SORCS1: variants seen among roughly 807,000 people sequenced by gnomAD.
The protein encoded by SORCS1 is VPS10 domain-containing receptor SorCS1.
In SORCS1, 60 loss-of-function variants were observed where a neutral mutation model predicts 146.1. The observed-to-expected ratio is 0.41, with a 90% CI of 0.33 to 0.51. SORCS1 has a LOEUF of 0.51. SORCS1 is among the 20% of genes least tolerant of loss of function. The pLI is 0.21. For missense variants in SORCS1, 1,352 were observed against 1,487.6 expected, an observed-to-expected ratio of 0.91 and a Z score of 1.50; for synonymous variants, 637 against 584.0, an observed-to-expected ratio of 1.09 and a Z score of -1.31.
intron 9 of SORCS1, among the ~76,000 whole-genome samples, chr10:106,694,771 GAC>G (rs1426790053): frequency 1.3e-5 from 2 of 152,118 alleles, no homozygotes; most frequent in African/African-American, 4.8e-5. Context: ...TGTCCTTCAT[GAC>G]ACCCACCAGG....
At chr10:106,663,391 C>T (rs1850883647) in intron 17 of SORCS1, among the ~76,000 whole-genome samples, 1 of 151,966 alleles carries the variant, frequency 6.6e-6, no homozygotes, top group African/African-American at 2.4e-5. Flanking sequence ...TAGAAGTATG[C>T]ATATCAAACA....
chr10:106,788,992 G>C (rs535089144), intron 3 of SORCS1, among the ~76,000 whole-genome samples: 19 of 152,312 alleles, frequency 1.2e-4, no homozygotes, highest in African/African-American at 4.6e-4. Flanking sequence ...CTAAAATCTA[G>C]GTAGAGGTTC....
At chr10:107,053,842 T>G (rs1960355122) in intron 1 of SORCS1, among the ~76,000 whole-genome samples, 1 of 152,206 alleles carries the variant, frequency 6.6e-6, no homozygotes, top group Non-Finnish European at 1.5e-5. Context: ...TGCACACACC[T>G]TGTCTGCATT....
At chr10:107,087,148 C>T (rs1251435270) in intron 1 of SORCS1, among the ~76,000 whole-genome samples, 5 of 152,116 alleles carry the variant, frequency 3.3e-5, no homozygotes, top group African/African-American at 9.7e-5. Flanking sequence ...ACTTTAAGTC[C>T]GTCTTGGGGT....
At chr10:106,581,638 T>C (rs1447398442) in intron 24 of SORCS1, among the ~76,000 whole-genome samples, 1 of 152,068 alleles carries the variant, frequency 6.6e-6, no homozygotes, top group Non-Finnish European at 1.5e-5. Context: ...CTCATGTACC[T>C]ACCACTCAGC....
chr10:106,913,487 C>G (rs1952263900), intron 2 of SORCS1, among the ~76,000 whole-genome samples: 1 of 152,202 alleles, frequency 6.6e-6, no homozygotes, highest in Non-Finnish European at 1.5e-5. Context: ...CTACGGCTTT[C>G]TCAGTTATGC....
chr10:106,733,126 G>A (rs201205118), intron 5 of SORCS1, among the ~76,000 whole-genome samples: 46,295 of 122,236 alleles, frequency 0.38, 10,655 homozygotes, highest in Non-Finnish European at 0.41. Context: ...GAAAAGAAAA[G>A]AAAAGAAAAG....
chr10:107,180,778 G>T, the SORCS1 span, among the ~76,000 whole-genome samples: 5 of 152,098 alleles, frequency 3.3e-5, no homozygotes, highest in Non-Finnish European at 1.5e-5. Context: ...TAATGGTGGG[G>T]ATAGGTTCTC....
chr10:106,690,664 C>G (rs1853228372), intron 9 of SORCS1, among the ~76,000 whole-genome samples: 1 of 152,184 alleles, frequency 6.6e-6, no homozygotes, highest in Non-Finnish European at 1.5e-5. Flanking sequence ...GAATGTGTAT[C>G]GACAGGGGAT....
intron 1 of SORCS1, among the ~76,000 whole-genome samples, chr10:107,020,142 C>A (rs927657250): frequency 6.6e-6 from 1 of 152,174 alleles, no homozygotes; most frequent in Non-Finnish European, 1.5e-5. Context: ...TGTGCCCAGA[C>A]AAGAATGATA....
intron 6 of SORCS1, among the ~76,000 whole-genome samples, chr10:106,712,824 C>G (rs1308424664): frequency 1.3e-5 from 2 of 152,056 alleles, no homozygotes; most frequent in African/African-American, 4.8e-5. Context: ...TACTGAACAC[C>G]CATTGTTCTC....
At chr10:107,176,208 C>A in the SORCS1 span, among the ~76,000 whole-genome samples, 2 of 149,674 alleles carry the variant, frequency 1.3e-5, no homozygotes, top group East Asian at 2.0e-4. Flanking sequence ...TATATGTAAT[C>A]CTTCCTTCCT....
intron 1 of SORCS1, among the ~76,000 whole-genome samples, chr10:107,057,829 G>C (rs1960793112): frequency 6.6e-6 from 1 of 152,106 alleles, no homozygotes; most frequent in African/African-American, 2.4e-5. Flanking sequence ...CTTGTTTAGA[G>C]AGGAGTCTCA....
At chr10:107,068,069 G>A (rs1048643601) in intron 1 of SORCS1, among the ~76,000 whole-genome samples, 10 of 152,002 alleles carry the variant, frequency 6.6e-5, no homozygotes, top group African/African-American at 1.9e-4. Flanking sequence ...TTCTTTCTCC[G>A]AGGTTTTGCT....
At position 107,163,950 on chromosome 10, in the gene SORCS1, T is replaced by C. The variant is rs771059333; in HGVS notation, c.558+19A>G. 4 of 1,603,274 alleles carry C rather than the reference T, an allele frequency of 2.5e-6. No homozygotes were observed. The highest frequency in any genetic ancestry group is 3.4e-6 in the Non-Finnish European group (4 of 1,172,616). On this transcript the variant is annotated intron_variant, in intron 1 of 25. Coordinates refer to ENST00000263054, the MANE Select transcript of SORCS1 (RefSeq NM_052918.5). ...TTTCCATCTTTCCACCCCTTTACCC[T>C]CAGTCCCATTCTACTCACGCTGCTG...
intron 3 of SORCS1, among the ~76,000 whole-genome samples, chr10:106,798,194 G>A (rs1229378486): frequency 2.6e-5 from 4 of 152,132 alleles, no homozygotes; most frequent in Non-Finnish European, 5.9e-5. Flanking sequence ...GCATCCATGG[G>A]AGAAATGCCT....
chr10:107,179,151 C>T, the SORCS1 span, among the ~76,000 whole-genome samples: 1 of 152,124 alleles, frequency 6.6e-6, no homozygotes, highest in Non-Finnish European at 1.5e-5. Flanking sequence ...TTGATAATAG[C>T]CATTCTAACT....
intron 1 of SORCS1, among the ~76,000 whole-genome samples, chr10:107,093,678 CAAA>C (rs35208711): frequency 7.6e-6 from 1 of 132,400 alleles, no homozygotes; most frequent in Non-Finnish European, 1.6e-5. Context: ...GACTCAGTCT[CAAA>C]AAAAAAAAAA....
At position 107,021,513 on chromosome 10, in the gene SORCS1, C is replaced by CAAA. The variant is rs869141427; in HGVS notation, c.559-64936_559-64934dup. 2.8e-3 allele frequency among the ~76,000 whole-genome samples: 195 copies of CAAA among 68,628 alleles called. 3 individuals are homozygous for CAAA. The highest frequency in any genetic ancestry group is 8.7e-3 in the East Asian group (17 of 1,946). The allele number at this position is 68,628 out of a possible 152,430, so 45.0% of individuals were successfully genotyped here. A position where few individuals can be genotyped will look rare whatever the true frequency, so the allele number is the denominator to read the frequency against. On this transcript the variant is annotated intron_variant, in intron 1 of 25. Transcript: ENST00000263054. Reference sequence around the variant, plus strand: ...TAGGCAACAGAGCGACACTCCGTCTCAAAAAAAAAAAAAAAAAAAAAAAAA... The same window carrying CAAA: ...TAGGCAACAGAGCGACACTCCGTCTCAAAAAAAAAAAAAAAAAAAAAAAAAAAA...
Sources: gnomAD v4.1 joint callset for allele counts (sites outside exome capture counted in the v4.1 genomes callset) on GRCh38, gnomAD v4.1.1 for gene constraint, MANE v1.5 for transcripts, NCBI Gene and HGNC (gene_info 2026-07-23, HGNC 2026-07-21) for gene names.